Variants in CALN1 observed in about 807,000 individuals in gnomAD.
The protein encoded by CALN1 is calcium-binding protein 8.
A neutral mutation model predicts 30.6 loss-of-function variants in CALN1; 17 were observed. That is an observed-to-expected ratio of 0.56 (90% CI 0.38 to 0.83). The LOEUF is 0.83. CALN1 is among the 40% of genes least tolerant of loss of function. The pLI is 0.00. For missense variants in CALN1, 291 were observed against 354.9 expected, an observed-to-expected ratio of 0.82 and a Z score of 1.45; for synonymous variants, 156 against 131.4, an observed-to-expected ratio of 1.19 and a Z score of -1.28.
intron 3 of CALN1, among the ~76,000 whole-genome samples, chr7:72,142,122 G>A (rs147005985): frequency 3.3e-5 from 5 of 152,104 alleles, no homozygotes; most frequent in African/African-American, 9.7e-5. Flanking sequence ...TCAGACAGTG[G>A]GTGCAGGACA....
chr7:71,920,826 T>C (rs1386612403), intron 5 of CALN1, among the ~76,000 whole-genome samples: 1 of 152,196 alleles, frequency 6.6e-6, no homozygotes, highest in Admixed American at 6.5e-5. Context: ...CAAGGATCTA[T>C]AACTAGAAAT....
chr7:72,299,153 C>T (rs1043981029), intron 2 of CALN1, among the ~76,000 whole-genome samples: 1 of 152,104 alleles, frequency 6.6e-6, no homozygotes, highest in Non-Finnish European at 1.5e-5. Flanking sequence ...CAACTGAAGG[C>T]GGCAGTGTCA....
chr7:72,062,727 A>G (rs1400389802), intron 4 of CALN1, among the ~76,000 whole-genome samples: 1 of 152,104 alleles, frequency 6.6e-6, no homozygotes, highest in Non-Finnish European at 1.5e-5. Flanking sequence ...TTTAACTAGA[A>G]TGACAAAGGA....
intron 6 of CALN1, among the ~76,000 whole-genome samples, chr7:71,801,887 A>C (rs922417816): frequency 6.6e-6 from 1 of 152,014 alleles, no homozygotes; most frequent in African/African-American, 2.4e-5. Context: ...CTGAGGCATG[A>C]GAATTGCTTG....
At chr7:72,057,380 GTTCT>G (rs1390733676) in intron 4 of CALN1, among the ~76,000 whole-genome samples, 6 of 76,130 alleles carry the variant, frequency 7.9e-5, no homozygotes, top group African/African-American at 1.2e-4. Flanking sequence ...CTTTTTAAAT[GTTCT>G]TTTTTTTTTT....
intron 3 of CALN1, among the ~76,000 whole-genome samples, chr7:72,140,683 T>G (rs1016959352): frequency 2.0e-5 from 3 of 152,236 alleles, no homozygotes; most frequent in Non-Finnish European, 1.5e-5. Flanking sequence ...TGGTTGGCTC[T>G]TGAGTGGTGT....
At chr7:72,047,660 C>T (rs1802557109) in intron 4 of CALN1, among the ~76,000 whole-genome samples, 1 of 152,160 alleles carries the variant, frequency 6.6e-6, no homozygotes, top group Non-Finnish European at 1.5e-5. Context: ...TGACAATGCA[C>T]CAGCAAAGTC....
chr7:72,425,731 C>T lies in CALN1; in HGVS notation c.-225-13456G>A, dbSNP rs945972438. On this transcript the variant is annotated intron_variant, in intron 1 of 6. Coordinates refer to the CALN1 transcript ENST00000395276. Reference sequence around the variant, plus strand: ...CTGTGAAGTATGAGGTGTTTGTATTCCTGCTAATAGATGACGTTAAGGGGG... The same window carrying T: ...CTGTGAAGTATGAGGTGTTTGTATTTCTGCTAATAGATGACGTTAAGGGGG... 2.6e-5 allele frequency among the ~76,000 whole-genome samples: 4 copies of T among 152,120 alleles called. No individual in the cohort carries two copies. The South Asian group carries it at 8.3e-4, about 32-fold the overall frequency.
intron 6 of CALN1, among the ~76,000 whole-genome samples, chr7:71,790,210 G>GA (rs1793250556): frequency 6.8e-6 from 1 of 147,624 alleles, no homozygotes. Context: ...AACAAAGAAA[G>GA]AAAGAAAGGC....
chr7:72,410,202 G>A (rs956092280), intron 1 of CALN1, among the ~76,000 whole-genome samples: 3 of 152,302 alleles, frequency 2.0e-5, no homozygotes, highest in South Asian at 2.1e-4. Flanking sequence ...AGAGCCTGGA[G>A]CTCTTAAATA....
intron 3 of CALN1, among the ~76,000 whole-genome samples, chr7:72,229,321 A>T (rs1793918657): frequency 6.6e-6 from 1 of 152,064 alleles, no homozygotes; most frequent in Admixed American, 6.6e-5. Context: ...AAGGCTCTTA[A>T]AAAGATGGAA....
At chr7:72,305,116 A>T (rs1387148999) in intron 2 of CALN1, among the ~76,000 whole-genome samples, 4 of 152,152 alleles carry the variant, frequency 2.6e-5, no homozygotes, top group Non-Finnish European at 5.9e-5. Context: ...GCCCGTGTTA[A>T]CAGCTGGCTG....
chr7:71,999,523 T>TC (rs1269259078), intron 5 of CALN1, among the ~76,000 whole-genome samples: 2 of 152,180 alleles, frequency 1.3e-5, no homozygotes, highest in East Asian at 3.9e-4. Flanking sequence ...ATATGCATTT[T>TC]TTTTTTTTGA....
intron 5 of CALN1, among the ~76,000 whole-genome samples, chr7:71,983,440 CAT>C (rs1225700709): frequency 6.6e-6 from 1 of 152,230 alleles, no homozygotes; most frequent in Non-Finnish European, 1.5e-5. Context: ...TCTATTCACA[CAT>C]ACACACACCC....
chr7:72,286,138 C>A (rs941268169), intron 2 of CALN1, among the ~76,000 whole-genome samples: 16 of 152,096 alleles, frequency 1.1e-4, no homozygotes, highest in African/African-American at 3.9e-4. Context: ...TCAGATAGTA[C>A]AGGGATAAGA....
chr7:72,332,765 A>T (rs1801760455), intron 2 of CALN1, among the ~76,000 whole-genome samples: 1 of 151,896 alleles, frequency 6.6e-6, no homozygotes, highest in African/African-American at 2.4e-5. Flanking sequence ...GTTGCTTGCA[A>T]CCCAAGGATC....
At position 71,832,094 on chromosome 7, in the gene CALN1, C is replaced by T. The variant is rs1394923035; in HGVS notation, c.502-21602G>A. Among the ~76,000 whole-genome samples the T allele has an allele frequency of 3.3e-5, 5 of 151,994 alleles. No individual in the cohort carries two copies. The East Asian group carries it at 7.7e-4, about 23-fold the overall frequency. The stretch of plus-strand genomic sequence containing the variant: ...TGATGTTGTCCAATTCATAATTCTC[C>T]CTGAGAATGGTGAAATTTAAGTTCC... On this transcript the variant is annotated intron_variant, in intron 5 of 6. Coordinates refer to ENST00000395275, the MANE Select transcript of CALN1 (RefSeq NM_031468.4).
intron 5 of CALN1, among the ~76,000 whole-genome samples, chr7:71,939,620 A>G (rs1584559311): frequency 6.6e-6 from 1 of 151,656 alleles, no homozygotes; most frequent in Middle Eastern, 3.4e-3. Flanking sequence ...CATCCTCTCC[A>G]CCCCACATTC....
intron 2 of CALN1, among the ~76,000 whole-genome samples, chr7:72,328,555 G>A (rs921791269): frequency 1.3e-5 from 2 of 152,136 alleles, no homozygotes; most frequent in Admixed American, 6.5e-5. Context: ...AGACTAATAC[G>A]ATGAGCATCC....
Sources: allele counts gnomAD v4.1 joint callset (sites outside exome capture counted in the v4.1 genomes callset), GRCh38; gene constraint gnomAD v4.1.1; transcripts MANE v1.5; gene names NCBI Gene and HGNC (gene_info 2026-07-23, HGNC 2026-07-21).